Variants in HIVEP3 observed in about 807,000 individuals in gnomAD.
HIVEP3 encodes the protein HIVEP zinc finger 3.
In HIVEP3, 49 loss-of-function variants were observed where a neutral mutation model predicts 152.8. The ratio of observed to expected loss-of-function variants is 0.32; its 90% CI spans 0.26 to 0.41. The LOEUF is 0.41. Among genes scored for constraint, HIVEP3 ranks in the 10% least tolerant of loss-of-function variants. The probability of loss-of-function intolerance (pLI) is 1.00; values close to 1 mark genes in which losing one functional copy is unlikely to be tolerated. For missense variants in HIVEP3, 2,790 were observed against 3,103.3 expected (o/e 0.90, Z 2.40); for synonymous variants, 1,269 against 1,289.0 (o/e 0.98, Z 0.33).
At chr1:41,862,799 C>T (rs1643904026) in intron 1 of HIVEP3, among the ~76,000 whole-genome samples, 1 of 152,136 alleles carries the variant, frequency 6.6e-6, no homozygotes, top group Non-Finnish European at 1.5e-5. Flanking sequence ...AGATAAAGAT[C>T]CCTGAAAACA....
chr1:41,934,123 C>T (rs1161527433), intron 1 of HIVEP3, among the ~76,000 whole-genome samples: 4 of 152,136 alleles, frequency 2.6e-5, no homozygotes, highest in Admixed American at 1.3e-4. Flanking sequence ...TTTTCCTCTC[C>T]TCCAGCAATT....
intron 1 of HIVEP3, among the ~76,000 whole-genome samples, chr1:41,721,704 T>C (rs1382220545): frequency 1.3e-5 from 2 of 152,226 alleles, no homozygotes; most frequent in African/African-American, 4.8e-5. Flanking sequence ...TTATCATCTC[T>C]GCTGTACAGA....
chr1:41,960,720 G>A (rs1005908591), intron 1 of HIVEP3, among the ~76,000 whole-genome samples: 1 of 152,118 alleles, frequency 6.6e-6, no homozygotes, highest in African/African-American at 2.4e-5. Context: ...AGGTGCCCAA[G>A]CAGGATCCAC....
At chr1:41,970,299 A>G (rs1188800461) in intron 1 of HIVEP3, among the ~76,000 whole-genome samples, 1 of 152,256 alleles carries the variant, frequency 6.6e-6, no homozygotes, top group East Asian at 1.9e-4. Context: ...AATGCCTATC[A>G]ATGATGGACT....
intron 5 of HIVEP3, among the ~76,000 whole-genome samples, chr1:41,554,125 C>T (rs931824025): frequency 3.7e-4 from 57 of 152,242 alleles, no homozygotes; most frequent in African/African-American, 1.3e-3. Context: ...CTGTCACTTT[C>T]AAGTACACCA....
At chr1:42,012,059 G>A (rs1049098868) in intron 1 of HIVEP3, among the ~76,000 whole-genome samples, 2 of 152,102 alleles carry the variant, frequency 1.3e-5, no homozygotes, top group African/African-American at 4.8e-5. Context: ...AGGAAACTAG[G>A]TATCTTTCCA....
At chr1:41,874,083 G>C (rs1021984096) in intron 1 of HIVEP3, among the ~76,000 whole-genome samples, 1 of 151,840 alleles carries the variant, frequency 6.6e-6, no homozygotes, top group African/African-American at 2.4e-5. Flanking sequence ...CCTGTGTAGA[G>C]CAGACTTCCC....
chr1:41,860,597 T>C (rs1235289522), intron 1 of HIVEP3, among the ~76,000 whole-genome samples: 2 of 152,212 alleles, frequency 1.3e-5, no homozygotes, highest in Admixed American at 1.3e-4. Context: ...AAACTATTCT[T>C]GGATTGGAAA....
rs773799245 is a variant in HIVEP3, at chr1:41,513,577, G to A, written c.5644C>T (p.Pro1882Ser). Reference protein sequence around the residue: ...DELSRPSSEAPPPGPPHALRA... With the variant: ...DELSRPSSEASPPGPPHALRA... ...AGTGCATGTGGTGGGCCAGGCGGGG[G>A]CGCCTCTGAGGATGGTCTGGACAGC... Residue 1882 changes from proline to serine, a missense_variant, in exon 8 of 9, where the codon CCC becomes TCC. Around this residue, in one of 9 missense-constraint regions of HIVEP3, gnomAD observed 816 missense variants for 806.5 expected, o/e 1.01. Coordinates refer to ENST00000372583, the MANE Select transcript of HIVEP3 (RefSeq NM_024503.5). 24 of 1,613,096 alleles carry A rather than the reference G, an allele frequency of 1.5e-5. No homozygotes were observed. The highest frequency in any genetic ancestry group is 1.4e-5 in the Non-Finnish European group (16 of 1,179,794).
intron 1 of HIVEP3, among the ~76,000 whole-genome samples, chr1:41,967,111 A>AC (rs1645203278): frequency 6.6e-6 from 1 of 152,186 alleles, no homozygotes; most frequent in Non-Finnish European, 1.5e-5. Flanking sequence ...GGGAGACATT[A>AC]ACACCCCACT....
chr1:41,649,464 T>C (rs755655486), intron 2 of HIVEP3, among the ~76,000 whole-genome samples: 2 of 152,272 alleles, frequency 1.3e-5, no homozygotes, highest in Non-Finnish European at 2.9e-5. Flanking sequence ...GGGCTCAATA[T>C]GTGTTTGTTA....
chr1:41,673,740 T>A (rs532553319), intron 2 of HIVEP3, among the ~76,000 whole-genome samples: 2 of 152,302 alleles, frequency 1.3e-5, no homozygotes, highest in East Asian at 3.8e-4. Context: ...GTTGTGAGTC[T>A]AAATTGCACA....
intron 1 of HIVEP3, among the ~76,000 whole-genome samples, chr1:41,855,561 T>C (rs1304949280): frequency 6.6e-6 from 1 of 152,202 alleles, no homozygotes; most frequent in Non-Finnish European, 1.5e-5. Flanking sequence ...AGACACTTCT[T>C]GCTGCACTTT....
chr1:41,996,218 C>T (rs60079958), intron 1 of HIVEP3, among the ~76,000 whole-genome samples: 4,210 of 150,970 alleles, frequency 0.028, 207 homozygotes, highest in African/African-American at 0.098. Flanking sequence ...CATATCAAGA[C>T]GTTATTTCTA....
At chr1:41,574,945 C>G (rs1180148170) in intron 5 of HIVEP3, among the ~76,000 whole-genome samples, 1 of 152,228 alleles carries the variant, frequency 6.6e-6, no homozygotes, top group Non-Finnish European at 1.5e-5. Flanking sequence ...ACGTTTAGAC[C>G]ATTCGTTTCC....
At chr1:41,965,187 T>C (rs1366438221) in intron 1 of HIVEP3, among the ~76,000 whole-genome samples, 1 of 151,864 alleles carries the variant, frequency 6.6e-6, no homozygotes, top group Non-Finnish European at 1.5e-5. Context: ...TCCTGACTAC[T>C]AAAAAACAAA....
Position 41,581,344 on chromosome 1 carries a change from C to T in HIVEP3, c.3454G>A (p.Val1152Met), listed in dbSNP as rs192673143. ...GGAGACTGTCCTGGCTCATGCTGCA[C>T]GAGATGCTGGAAGGAGAAAAGGGAG... ...PVSLFSFQHLVQHEPGQSPEF... is the reference protein window; with the variant it reads ...PVSLFSFQHLMQHEPGQSPEF... Residue 1152 changes from valine to methionine, a missense_variant, in exon 4 of 9, where the codon GTG becomes ATG. By Grantham distance (21) the Val-to-Met change is conservative. Transcript: ENST00000372583. The surrounding 1 kb of genome is among the most constrained non-coding windows in gnomAD (Gnocchi z 4.5). 113 of 1,613,596 alleles carry T rather than the reference C, an allele frequency of 7.0e-5. No homozygotes were observed. Among genetic ancestry groups the T allele is most frequent in the Non-Finnish European group, 9.0e-5 (106 of 1,179,842 alleles).
chr1:41,596,964 T>G (rs767577504), intron 3 of HIVEP3, among the ~76,000 whole-genome samples: 19 of 152,280 alleles, frequency 1.2e-4, no homozygotes, highest in Non-Finnish European at 2.6e-4. Context: ...AGGGCTGAGT[T>G]TCTTGTTAAC....
intron 1 of HIVEP3, among the ~76,000 whole-genome samples, chr1:41,768,645 T>G (rs192053700): frequency 1.3e-5 from 2 of 152,216 alleles, no homozygotes; most frequent in South Asian, 2.1e-4. Context: ...ACCCCCTTCG[T>G]GGGGATAAGA....
Sources: gnomAD v4.1 joint callset for allele counts (sites outside exome capture counted in the v4.1 genomes callset) on GRCh38, gnomAD v4.1.1 for gene constraint, gnomAD v4.1.1 regional missense constraint, Gnocchi (gnomAD v3.1) non-coding constraint, MANE v1.5 for transcripts, NCBI Gene and HGNC (gene_info 2026-07-23, HGNC 2026-07-21) for gene names.